Variants in CALN1 observed in about 807,000 individuals in gnomAD.
The protein encoded by CALN1 is calcium-binding protein 8.
In CALN1, 17 loss-of-function variants were observed where a neutral mutation model predicts 30.6. The observed-to-expected ratio is 0.56, with a 90% confidence interval of 0.38 to 0.83. CALN1 has a LOEUF of 0.83. Among genes scored for constraint, CALN1 ranks in the 40% least tolerant of loss-of-function variants. The probability of loss-of-function intolerance (pLI) is 0.00; values close to 1 mark genes in which losing one functional copy is unlikely to be tolerated. For synonymous variants in CALN1, 156 were observed against 131.4 expected (o/e 1.19, Z -1.28); for missense variants, 291 against 354.9 (o/e 0.82, Z 1.45).
At chr7:72,411,477 A>G (rs1807142353) in intron 1 of CALN1, among the ~76,000 whole-genome samples, 1 of 152,206 alleles carries the variant, frequency 6.6e-6, no homozygotes, top group Non-Finnish European at 1.5e-5. Flanking sequence ...TTGAATAAAA[A>G]TATCACTGTG....
intron 6 of CALN1, 82 bp downstream of exon 6, chr7:71,810,254 G>C: frequency 6.9e-7 from 1 of 1,451,410 alleles, no homozygotes; most frequent in Non-Finnish European, 9.4e-7. Flanking sequence ...AAGAGCCTGT[G>C]TGTGAACGCA....
chr7:72,307,440 G>T (rs962702871), intron 2 of CALN1, among the ~76,000 whole-genome samples: 1 of 152,136 alleles, frequency 6.6e-6, no homozygotes, highest in Admixed American at 6.5e-5. Flanking sequence ...CCGTCTGGCC[G>T]CAAGAGAGGT....
intron 5 of CALN1, among the ~76,000 whole-genome samples, chr7:71,824,259 C>T (rs1174719201): frequency 1.3e-5 from 2 of 152,136 alleles, no homozygotes; most frequent in African/African-American, 4.8e-5. Context: ...CTATTTGCTC[C>T]ACAGCCCAGT....
intron 5 of CALN1, among the ~76,000 whole-genome samples, chr7:71,913,401 C>T (rs184773081): frequency 1.4e-4 from 21 of 152,136 alleles, no homozygotes; most frequent in Admixed American, 1.4e-3. Context: ...GGCAGCAACC[C>T]CTGAGGATAA....
intron 5 of CALN1, among the ~76,000 whole-genome samples, chr7:71,989,900 CAGA>C (rs767700582): frequency 6.6e-6 from 1 of 152,064 alleles, no homozygotes; most frequent in African/African-American, 2.4e-5. Context: ...TCAAGAAAGA[CAGA>C]AGAAGATACT....
At chr7:72,090,892 AAG>A (rs1276752900) in intron 4 of CALN1, among the ~76,000 whole-genome samples, 10 of 152,280 alleles carry the variant, frequency 6.6e-5, no homozygotes, top group African/African-American at 9.6e-5. Context: ...CTCGTGGAGA[AAG>A]AGAGTAGAAC....
intron 3 of CALN1, among the ~76,000 whole-genome samples, chr7:72,198,881 T>A (rs1791222613): frequency 6.6e-6 from 1 of 152,194 alleles, no homozygotes; most frequent in African/African-American, 2.4e-5. Context: ...GAGGAGGTCA[T>A]CAAGCTCTCA....
the CALN1 span, among the ~76,000 whole-genome samples, chr7:72,480,275 A>G: frequency 6.6e-6 from 1 of 152,222 alleles, no homozygotes; most frequent in Non-Finnish European, 1.5e-5. Flanking sequence ...GTTTTGAGAA[A>G]TGTTTTACTG....
At chr7:71,937,975 T>C (rs1228576310) in intron 5 of CALN1, among the ~76,000 whole-genome samples, 1 of 152,224 alleles carries the variant, frequency 6.6e-6, no homozygotes, top group Non-Finnish European at 1.5e-5. Flanking sequence ...CAGATATTTA[T>C]GCAGCACTCA....
intron 3 of CALN1, among the ~76,000 whole-genome samples, chr7:72,266,868 T>C (rs1413432970): frequency 2.0e-5 from 3 of 152,202 alleles, no homozygotes; most frequent in African/African-American, 7.2e-5. Flanking sequence ...CTCACAACTC[T>C]CCACAAAAGA....
intron 4 of CALN1, among the ~76,000 whole-genome samples, chr7:72,062,526 A>AAAG (rs1803732748): frequency 7.4e-6 from 1 of 135,018 alleles, no homozygotes; most frequent in African/African-American, 3.8e-5. Flanking sequence ...AAAAAAAAAA[A>AAAG]AAAAGAAAAA....
At chr7:72,031,734 ATTTTTT>A (rs544026184) in intron 4 of CALN1, among the ~76,000 whole-genome samples, 2 of 114,684 alleles carry the variant, frequency 1.7e-5, no homozygotes, top group African/African-American at 3.4e-5. Flanking sequence ...CGCCTGGCTA[ATTTTTT>A]TTTTTTTTTT....
intron 2 of CALN1, among the ~76,000 whole-genome samples, chr7:72,300,647 A>G (rs1222562851): frequency 3.3e-5 from 5 of 152,234 alleles, no homozygotes; most frequent in African/African-American, 7.2e-5. Context: ...ACAAAATAGA[A>G]TAAGTGCATA....
At chr7:72,273,439 G>A (rs115887206) in intron 3 of CALN1, among the ~76,000 whole-genome samples, 3,981 of 143,878 alleles carry the variant, frequency 0.028, 213 homozygotes, top group African/African-American at 0.096. Context: ...AAAAAAAAGC[G>A]GCGGGCGGGG....
intron 4 of CALN1, among the ~76,000 whole-genome samples, chr7:72,046,051 C>G (rs1287807741): frequency 6.6e-6 from 1 of 150,940 alleles, no homozygotes; most frequent in African/African-American, 2.4e-5. Flanking sequence ...AGGAGCTCAC[C>G]CCTATAATCC....
At chr7:72,146,054 A>C (rs1786690934) in intron 3 of CALN1, among the ~76,000 whole-genome samples, 1 of 152,208 alleles carries the variant, frequency 6.6e-6, no homozygotes, top group Non-Finnish European at 1.5e-5. Flanking sequence ...CCCTTTGAAA[A>C]CTGGCACAAG....
chr7:72,502,231 G>A, the CALN1 span, among the ~76,000 whole-genome samples: 1 of 149,484 alleles, frequency 6.7e-6, no homozygotes, highest in East Asian at 1.9e-4. Context: ...AATTGCTTGT[G>A]GGGCGGGGAG....
At chr7:72,339,469 A>G (rs1399449161) in intron 2 of CALN1, among the ~76,000 whole-genome samples, 1 of 152,208 alleles carries the variant, frequency 6.6e-6, no homozygotes, top group African/African-American at 2.4e-5. Flanking sequence ...GTTCCTTCAA[A>G]GAAACTCCAG....
intron 4 of CALN1, among the ~76,000 whole-genome samples, chr7:72,072,278 T>C (rs1804451722): frequency 6.6e-6 from 1 of 152,148 alleles, no homozygotes; most frequent in East Asian, 1.9e-4. Flanking sequence ...GAGAGAAGCA[T>C]ATTTCCACAC....
Sources: gnomAD v4.1 joint callset for allele counts (sites outside exome capture counted in the v4.1 genomes callset) on GRCh38, gnomAD v4.1.1 for gene constraint, MANE v1.5 for transcripts, NCBI Gene and HGNC (gene_info 2026-07-23, HGNC 2026-07-21) for gene names.